BTBD9: variants seen among roughly 807,000 people sequenced by gnomAD.
The protein encoded by BTBD9 is BTB/POZ domain-containing protein 9.
In BTBD9, 49 loss-of-function variants were observed where a neutral mutation model predicts 64.3. That is an observed-to-expected ratio of 0.76 (90% CI 0.61 to 0.97). BTBD9 has a LOEUF of 0.97. Ranked by LOEUF, BTBD9 falls within the 50% of genes least tolerant of loss-of-function variation. The probability of loss-of-function intolerance (pLI) is 0.00; values close to 1 mark genes in which losing one functional copy is unlikely to be tolerated. For synonymous variants in BTBD9, 260 were observed against 274.7 expected (o/e 0.95, Z 0.53); for missense variants, 598 against 762.1 (o/e 0.78, Z 2.53).
chr6:38,527,950 A>G (rs1355531074), intron 6 of BTBD9, among the ~76,000 whole-genome samples: 1 of 152,088 alleles, frequency 6.6e-6, no homozygotes, highest in African/African-American at 2.4e-5. Context: ...AAGCCCCTTC[A>G]TAAGAATGAA....
rs70981569 is a variant in BTBD9 at position 38,601,053 on chromosome 6, C to CA, written c.-27-2933dup. 1.0e-2 allele frequency among the ~76,000 whole-genome samples: 1,497 copies of CA among 150,102 alleles called. 18 individuals carry two copies. The highest frequency in any genetic ancestry group is 0.024 in the Middle Eastern group (7 of 294). The stretch of plus-strand genomic sequence containing the variant: ...AATCAAATGGGGAGCTTAAAAACAA[C>CA]AAAAAAAAAGATGCTCGAGTCCCAC... On this transcript the variant is annotated intron_variant, in intron 1 of 10. Transcript: ENST00000481247.
At chr6:38,269,575 C>T (rs1249237004) in intron 8 of BTBD9, among the ~76,000 whole-genome samples, 1 of 151,724 alleles carries the variant, frequency 6.6e-6, no homozygotes, top group Non-Finnish European at 1.5e-5. Flanking sequence ...GGTCATAGGA[C>T]CAAAGGCTAA....
chr6:38,541,705 T>G (rs541597164), intron 6 of BTBD9, among the ~76,000 whole-genome samples: 6 of 152,244 alleles, frequency 3.9e-5, no homozygotes, highest in African/African-American at 1.4e-4. Flanking sequence ...ACCACTGCAC[T>G]CCAGCCTGGT....
At chr6:38,195,022 T>C (rs1442337402) in intron 9 of BTBD9, among the ~76,000 whole-genome samples, 1 of 152,264 alleles carries the variant, frequency 6.6e-6, no homozygotes, top group Non-Finnish European at 1.5e-5. Context: ...GATTTCATTT[T>C]CAGCAGAGCC....
chr6:38,342,253 G>C (rs990137873), intron 7 of BTBD9, among the ~76,000 whole-genome samples: 2 of 151,950 alleles, frequency 1.3e-5, no homozygotes, highest in African/African-American at 4.8e-5. Flanking sequence ...TAGGATTTGA[G>C]GGCCGGGCAT....
chr6:38,386,214 A>G (rs1421812211), intron 6 of BTBD9, among the ~76,000 whole-genome samples: 2 of 152,202 alleles, frequency 1.3e-5, no homozygotes, highest in Non-Finnish European at 2.9e-5. Flanking sequence ...ACAAGTTTCA[A>G]GAAACAATTC....
chr6:38,524,729 C>T (rs1364760418), intron 6 of BTBD9, among the ~76,000 whole-genome samples: 1 of 152,152 alleles, frequency 6.6e-6, no homozygotes, highest in Non-Finnish European at 1.5e-5. Context: ...TCAGTCACTT[C>T]TTGAAGCCAC....
intron 6 of BTBD9, among the ~76,000 whole-genome samples, chr6:38,534,111 A>G (rs1454659928): frequency 6.6e-6 from 1 of 152,046 alleles, no homozygotes; most frequent in Non-Finnish European, 1.5e-5. Context: ...TTTTGAAAAG[A>G]TAAAATTGAC....
intron 6 of BTBD9, among the ~76,000 whole-genome samples, chr6:38,502,623 T>C (rs1394292809): frequency 1.3e-5 from 2 of 152,204 alleles, no homozygotes; most frequent in African/African-American, 4.8e-5. Flanking sequence ...CCTGCAGAGA[T>C]GAGCAGGATA....
intron 7 of BTBD9, among the ~76,000 whole-genome samples, chr6:38,300,669 C>T (rs1234049051): frequency 6.6e-6 from 1 of 151,970 alleles, no homozygotes. Flanking sequence ...TTGTCTGTTA[C>T]TGGTGTATAA....
chr6:38,238,783 T>C (rs1049498102), intron 9 of BTBD9, among the ~76,000 whole-genome samples: 1 of 152,112 alleles, frequency 6.6e-6, no homozygotes, highest in African/African-American at 2.4e-5. Flanking sequence ...GAGACCAATG[T>C]TTTATCATGC....
At chr6:38,599,309 T>G (rs1206462784) in intron 1 of BTBD9, among the ~76,000 whole-genome samples, 1 of 151,958 alleles carries the variant, frequency 6.6e-6, no homozygotes, top group South Asian at 2.1e-4. Context: ...AAAAAAAAAG[T>G]TGGTCTTGTT....
At chr6:38,417,311 G>A (rs183331369) in intron 6 of BTBD9, among the ~76,000 whole-genome samples, 23 of 152,262 alleles carry the variant, frequency 1.5e-4, no homozygotes, top group African/African-American at 5.5e-4. Context: ...AGACAAGTCA[G>A]GTGTCTCCCA....
chr6:38,620,297 C>A (rs967540566), intron 1 of BTBD9, among the ~76,000 whole-genome samples: 2 of 152,148 alleles, frequency 1.3e-5, no homozygotes, highest in African/African-American at 4.8e-5. Context: ...CTCTCAAATA[C>A]CAGAGGAAGT....
intron 6 of BTBD9, among the ~76,000 whole-genome samples, chr6:38,542,736 T>A (rs1774344536): frequency 6.6e-6 from 1 of 152,172 alleles, no homozygotes; most frequent in Non-Finnish European, 1.5e-5. Flanking sequence ...TGCCCTAACC[T>A]GGGCGGGACT....
intron 7 of BTBD9, among the ~76,000 whole-genome samples, chr6:38,302,870 T>C (rs540764266): frequency 5.3e-5 from 8 of 152,214 alleles, no homozygotes; most frequent in Non-Finnish European, 1.2e-4. Flanking sequence ...ATCCCTGTGG[T>C]TTTTATTTGC....
chr6:38,590,190 CA>C (rs1421852755), intron 4 of BTBD9, among the ~76,000 whole-genome samples: 5 of 151,762 alleles, frequency 3.3e-5, no homozygotes, highest in African/African-American at 1.2e-4. Flanking sequence ...GGATCAAAGA[CA>C]AGTAAACAAA....
intron 1 of BTBD9, among the ~76,000 whole-genome samples, chr6:38,609,978 C>T (rs1777556283): frequency 1.3e-5 from 2 of 152,136 alleles, no homozygotes. Flanking sequence ...ATGCAGGTAC[C>T]TTAGAAATAA....
intron 6 of BTBD9, among the ~76,000 whole-genome samples, chr6:38,573,694 A>G (rs1366395716): frequency 6.6e-6 from 1 of 152,142 alleles, no homozygotes; most frequent in Non-Finnish European, 1.5e-5. Context: ...TTTGAATTCT[A>G]CTTCTATCCA....
Sources: allele counts gnomAD v4.1 joint callset (sites outside exome capture counted in the v4.1 genomes callset), GRCh38; gene constraint gnomAD v4.1.1; transcripts MANE v1.5; gene names NCBI Gene and HGNC (gene_info 2026-07-23, HGNC 2026-07-21).